Variants in CNGB3 observed in about 807,000 individuals in gnomAD.
CNGB3 encodes the protein cyclic nucleotide gated channel subunit beta 3, also known as cyclic nucleotide-gated channel beta-3.
A neutral mutation model predicts 92.8 loss-of-function variants in CNGB3; 86 were observed. The ratio of observed to expected loss-of-function variants is 0.93; its 90% CI spans 0.78 to 1.11. The LOEUF (loss-of-function observed/expected upper bound fraction) is 1.11, where lower values mean the gene tolerates loss of function less well. CNGB3 is among the 50% of genes least tolerant of loss of function. The pLI is 0.00. For missense variants in CNGB3, 1,026 were observed against 956.8 expected (o/e 1.07, Z -0.95); for synonymous variants, 333 against 332.7 (o/e 1.00, Z -0.01).
rs143025029 is a variant in CNGB3 at position 86,583,285 on chromosome 8, G to A, written c.1782-4033C>T. Among the ~76,000 whole-genome samples, 945 of 152,248 alleles carry A rather than the reference G, an allele frequency of 6.2e-3. 9 individuals carry two copies. The highest frequency in any genetic ancestry group is 0.021 in the African/African-American group (892 of 41,536). Reference sequence around the variant, plus strand: ...TGGTAATTATAACCTATGGATAAGTGAAATGAAAGACAGCAATGTCATAAG... The same window carrying A: ...TGGTAATTATAACCTATGGATAAGTAAAATGAAAGACAGCAATGTCATAAG... On this transcript the variant is annotated intron_variant, in intron 15 of 17. Coordinates refer to ENST00000320005, the MANE Select transcript of CNGB3 (RefSeq NM_019098.5).
Position 86,670,589 on chromosome 8 carries a change from T to TA in CNGB3, c.493+354dup, listed in dbSNP as rs199810938. ...TCTTATTCTTTTTCTTTTTTTTAAT[T>TA]AAAAAAAAGAGATAGGGCCTCACTA... On this transcript the variant is annotated intron_variant, in intron 4 of 17. Coordinates refer to ENST00000320005, the MANE Select transcript of CNGB3 (RefSeq NM_019098.5). 5.3e-3 allele frequency among the ~76,000 whole-genome samples: 806 copies of TA among 151,702 alleles called. 7 individuals carry two copies. Among genetic ancestry groups the TA allele is most frequent in the African/African-American group, 0.019 (768 of 41,342 alleles).
At chr8:86,644,518 T>C in intron 9 of CNGB3, 104 bp downstream of exon 9, 1 of 1,454,094 alleles carries the variant, frequency 6.9e-7, no homozygotes, top group Non-Finnish European at 9.3e-7. Context: ...GCTGAAATTA[T>C]ATCCTTTTTT....
intron 3 of CNGB3, among the ~76,000 whole-genome samples, chr8:86,672,457 A>G (rs1823880656): frequency 6.6e-6 from 1 of 152,164 alleles, no homozygotes; most frequent in South Asian, 2.1e-4. Context: ...TAGAGTAGAC[A>G]TTAGGATACT....
At chr8:86,659,259 A>G in intron 6 of CNGB3, 1 of 783,016 alleles carries the variant, frequency 1.3e-6, no homozygotes, top group South Asian at 1.4e-5. Flanking sequence ...GTCTTTCTCC[A>G]TCTGTAGCTG....
chr8:86,661,683 C>T (rs927508453), intron 6 of CNGB3: 5 of 1,065,760 alleles, frequency 4.7e-6, no homozygotes, highest in Non-Finnish European at 7.3e-6. Context: ...TCTTCCTCTT[C>T]TTCTGAAGTC....
intron 3 of CNGB3, among the ~76,000 whole-genome samples, chr8:86,715,007 G>A (rs1161762389): frequency 6.6e-6 from 1 of 152,000 alleles, no homozygotes; most frequent in Non-Finnish European, 1.5e-5. Flanking sequence ...AGGTGAGTCT[G>A]AGCTCAGACA....
At chr8:86,589,631 C>T (rs920932036) in intron 15 of CNGB3, among the ~76,000 whole-genome samples, 2 of 152,078 alleles carry the variant, frequency 1.3e-5, no homozygotes, top group African/African-American at 4.8e-5. Context: ...TGTTCAGTTT[C>T]CATGTAGTTG....
chr8:86,681,706 A>C (rs1481066692), intron 3 of CNGB3, among the ~76,000 whole-genome samples: 1 of 152,182 alleles, frequency 6.6e-6, no homozygotes, highest in Non-Finnish European at 1.5e-5. Flanking sequence ...GAAAAATTCT[A>C]AAAGCTTCAA....
At chr8:86,644,025 C>T (rs1823244306) in intron 9 of CNGB3, 152 bp from the exon 10 acceptor site, 4 of 702,482 alleles carry the variant, frequency 5.7e-6, no homozygotes, top group East Asian at 3.0e-5. Flanking sequence ...AGTGATGGTG[C>T]CATTGCATGT....
At chr8:86,714,961 C>A (rs565608316) in intron 3 of CNGB3, among the ~76,000 whole-genome samples, 2 of 152,204 alleles carry the variant, frequency 1.3e-5, no homozygotes, top group African/African-American at 4.8e-5. Context: ...AAACCACACT[C>A]CCATCCCCCA....
At chr8:86,588,919 G>A (rs1485291456) in intron 15 of CNGB3, among the ~76,000 whole-genome samples, 1 of 151,718 alleles carries the variant, frequency 6.6e-6, no homozygotes, top group African/African-American at 2.4e-5. Flanking sequence ...AATGGTACCA[G>A]TTCCTCCTTG....
At chr8:86,711,140 C>T (rs1340659269) in intron 3 of CNGB3, among the ~76,000 whole-genome samples, 1 of 152,116 alleles carries the variant, frequency 6.6e-6, no homozygotes, top group Non-Finnish European at 1.5e-5. Context: ...TTCCATATGG[C>T]AACCCTCAGC....
At chr8:86,664,938 T>C (rs1823712552) in intron 6 of CNGB3, among the ~76,000 whole-genome samples, 1 of 152,194 alleles carries the variant, frequency 6.6e-6, no homozygotes, top group African/African-American at 2.4e-5. Flanking sequence ...TATTTTGCAA[T>C]GGTGGAAATC....
chr8:86,658,362 C>T, intron 6 of CNGB3: 1 of 449,022 alleles, frequency 2.2e-6, no homozygotes, highest in Non-Finnish European at 4.2e-6. Flanking sequence ...CAGTCCATCT[C>T]CTTCCCCATG....
chr8:86,610,944 T>A (rs901500151), intron 14 of CNGB3, among the ~76,000 whole-genome samples: 1 of 152,230 alleles, frequency 6.6e-6, no homozygotes, highest in African/African-American at 2.4e-5. Context: ...ATAGTGTTCA[T>A]ATGATATATT....
intron 1 of CNGB3, 135 bp from the exon 2 acceptor site, chr8:86,739,871 A>C: frequency 9.3e-7 from 1 of 1,071,728 alleles, no homozygotes; most frequent in Non-Finnish European, 1.4e-6. Context: ...ACTAAAAATG[A>C]TTCTTGCATT....
At position 86,637,944 on chromosome 8, in the gene CNGB3, C is replaced by T. The variant is rs61038310; in HGVS notation, c.1179-5051G>A. Among the ~76,000 whole-genome samples, 619 of 152,202 alleles carry T rather than the reference C, an allele frequency of 4.1e-3. 3 individuals carry two copies. The highest frequency in any genetic ancestry group is 0.014 in the African/African-American group (586 of 41,566). ...TTTTTTTCTACCGTGGATAAGTTTGCCTGTTTTAGAATTTCACATAAATGA... is the reference window on the plus strand; with the variant it reads ...TTTTTTTCTACCGTGGATAAGTTTGTCTGTTTTAGAATTTCACATAAATGA... On this transcript the variant is annotated intron_variant, in intron 10 of 17. Coordinates refer to ENST00000320005, the MANE Select transcript of CNGB3 (RefSeq NM_019098.5).
At chr8:86,600,609 T>C (rs552797986) in intron 15 of CNGB3, among the ~76,000 whole-genome samples, 2 of 150,690 alleles carry the variant, frequency 1.3e-5, no homozygotes, top group African/African-American at 4.9e-5. Context: ...GTTCCTTTTT[T>C]TTTTCTTTTT....
intron 15 of CNGB3, among the ~76,000 whole-genome samples, chr8:86,600,512 T>C (rs1822271005): frequency 6.6e-6 from 1 of 152,214 alleles, no homozygotes; most frequent in African/African-American, 2.4e-5. Context: ...AAATTATTTT[T>C]GAATGGAGGC....
Sources: allele counts gnomAD v4.1 joint callset (sites outside exome capture counted in the v4.1 genomes callset), GRCh38; gene constraint gnomAD v4.1.1; transcripts MANE v1.5; gene names NCBI Gene and HGNC (gene_info 2026-07-23, HGNC 2026-07-21).